ARID4B: variants seen among roughly 807,000 people sequenced by gnomAD.
ARID4B encodes AT-rich interaction domain 4B.
In ARID4B, 26 loss-of-function variants were observed where a neutral mutation model predicts 147.5. That is an observed-to-expected ratio of 0.18 (90% CI 0.13 to 0.24). The LOEUF is 0.24. ARID4B is among the 10% of genes least tolerant of loss of function. The pLI is 1.00. For missense variants in ARID4B, 1,179 were observed against 1,511.5 expected (o/e 0.78, Z 3.65); for synonymous variants, 512 against 507.9 (o/e 1.01, Z -0.11).
intron 7 of ARID4B, among the ~76,000 whole-genome samples, chr1:235,241,968 C>G (rs999082976): frequency 6.6e-6 from 1 of 151,956 alleles, no homozygotes; most frequent in African/African-American, 2.4e-5. Context: ...AATAGAAGTA[C>G]TGTACTTTGG....
chr1:235,252,820 G>T lies in ARID4B; in HGVS notation c.275-11C>A, dbSNP rs746962650. 4 of 1,594,308 alleles carry T rather than the reference G, an allele frequency of 2.5e-6. No individual in the cohort carries two copies. The highest frequency in any genetic ancestry group is 1.1e-5 in the South Asian group (1 of 87,998). On this transcript the variant is annotated splice_polypyrimidine_tract_variant and intron_variant, in intron 5 of 23. Coordinates refer to ENST00000264183, the MANE Select transcript of ARID4B (RefSeq NM_016374.6). ...CTCCGTCATCAAAAACTATGAGAGG[G>T]GGTAAAAATGGAAGCTACTGAAGGA... is the stretch of plus-strand genomic sequence containing the variant.
chr1:235,230,899 C>G (rs1039518634), intron 10 of ARID4B, among the ~76,000 whole-genome samples: 5 of 146,234 alleles, frequency 3.4e-5, no homozygotes, highest in African/African-American at 1.3e-4. Context: ...CCCTGGGCGA[C>G]AGAGCAAGAC....
At chr1:235,275,357 T>C (rs1224744665) in intron 2 of ARID4B, among the ~76,000 whole-genome samples, 1 of 152,218 alleles carries the variant, frequency 6.6e-6, no homozygotes, top group Non-Finnish European at 1.5e-5. Context: ...AGAGAAAGGA[T>C]GTGATGCAGC....
At position 235,194,006 on chromosome 1, in the gene ARID4B, T is replaced by G; in HGVS notation, c.2125+7A>C. The G allele has an allele frequency of 6.4e-7, 1 of 1,570,214 alleles. No homozygotes were observed. The highest frequency in any genetic ancestry group is 8.8e-7 in the Non-Finnish European group (1 of 1,142,388). ...TACTTGCACAACAGAACGATTGTTA[T>G]GTTTACCTTGAAGTCCATTAAGGAT... is the stretch of plus-strand genomic sequence containing the variant. On this transcript the variant is annotated splice_region_variant and intron_variant, in intron 19 of 23. Coordinates refer to ENST00000264183, the MANE Select transcript of ARID4B (RefSeq NM_016374.6).
chr1:235,186,664 A>C (rs1317763861), intron 19 of ARID4B, among the ~76,000 whole-genome samples: 2 of 151,704 alleles, frequency 1.3e-5, no homozygotes, highest in African/African-American at 4.8e-5. Context: ...CGGCCTCCCA[A>C]AGTGCTGGGA....
chr1:235,289,316 C>T (rs72758029), intron 2 of ARID4B, among the ~76,000 whole-genome samples: 19,996 of 152,068 alleles, frequency 0.13, 1,527 homozygotes, highest in African/African-American at 0.2. Context: ...ATACACAAAG[C>T]AAATATATCA....
At chr1:235,175,517 A>G in intron 21 of ARID4B, 118 bp from the exon 22 acceptor site, 3 of 773,298 alleles carry the variant, frequency 3.9e-6, no homozygotes, top group Non-Finnish European at 6.1e-6. Context: ...CAACCTGCCT[A>G]GAAACCTGGA....
At chr1:235,220,073 A>T in intron 15 of ARID4B, 105 bp from the exon 16 acceptor site, 1 of 843,052 alleles carries the variant, frequency 1.2e-6, no homozygotes, top group Non-Finnish European at 1.7e-6. Context: ...TCTAATATTA[A>T]AAGTTATAAA....
chr1:235,238,153 A>AAAAAAAAAAAG (rs61179792), intron 8 of ARID4B, among the ~76,000 whole-genome samples: 49 of 141,814 alleles, frequency 3.5e-4, no homozygotes, highest in African/African-American at 1.2e-3. Context: ...CAAAAAAAAA[A>AAAAAAAAAAAG]AAAAGAAAAG....
intron 2 of ARID4B, among the ~76,000 whole-genome samples, chr1:235,314,509 C>A (rs1194475117): frequency 6.6e-6 from 1 of 152,118 alleles, no homozygotes; most frequent in African/African-American, 2.4e-5. Context: ...ACTTTCCAAG[C>A]CATATGCTCT....
intron 6 of ARID4B, among the ~76,000 whole-genome samples, chr1:235,252,383 C>A (rs1669699628): frequency 6.6e-6 from 1 of 152,158 alleles, no homozygotes; most frequent in Non-Finnish European, 1.5e-5. Flanking sequence ...TGTATCTACA[C>A]ATCCTTTAAC....
At chr1:235,308,421 T>A (rs1673734723) in intron 2 of ARID4B, among the ~76,000 whole-genome samples, 1 of 151,644 alleles carries the variant, frequency 6.6e-6, no homozygotes, top group Non-Finnish European at 1.5e-5. Context: ...TTTTTCTAAT[T>A]TTTAAGAAAC....
At chr1:235,239,684 GA>G (rs1259409208) in intron 8 of ARID4B, among the ~76,000 whole-genome samples, 2 of 152,276 alleles carry the variant, frequency 1.3e-5, no homozygotes, top group East Asian at 3.9e-4. Context: ...GGACAATCAT[GA>G]GGATACTCCT....
chr1:235,248,597 A>C (rs1368534140), intron 6 of ARID4B, among the ~76,000 whole-genome samples: 1 of 152,208 alleles, frequency 6.6e-6, no homozygotes, highest in Non-Finnish European at 1.5e-5. Context: ...AGAGAGATTT[A>C]TATCACACAG....
At chr1:235,209,349 C>A (rs1666540656) in intron 17 of ARID4B, among the ~76,000 whole-genome samples, 1 of 151,934 alleles carries the variant, frequency 6.6e-6, no homozygotes, top group Non-Finnish European at 1.5e-5. Flanking sequence ...CATGTGCCTA[C>A]AATCCCAGCT....
intron 2 of ARID4B, among the ~76,000 whole-genome samples, chr1:235,285,495 G>A (rs965299505): frequency 6.6e-6 from 1 of 152,154 alleles, no homozygotes; most frequent in African/African-American, 2.4e-5. Context: ...TGAAAAATCT[G>A]CAACTAACAT....
intron 3 of ARID4B, among the ~76,000 whole-genome samples, chr1:235,257,998 T>C (rs147966761): frequency 4.9e-4 from 75 of 152,240 alleles, no homozygotes; most frequent in Admixed American, 1.7e-3. Context: ...ACAACAACCC[T>C]ATTAGGTAGG....
At chr1:235,208,471 A>G (rs1409316787) in intron 17 of ARID4B, among the ~76,000 whole-genome samples, 1 of 152,092 alleles carries the variant, frequency 6.6e-6, no homozygotes, top group Non-Finnish European at 1.5e-5. Flanking sequence ...CTAAAAGAGA[A>G]CACACTATAA....
At chr1:235,241,640 T>C (rs1396616401) in intron 7 of ARID4B, among the ~76,000 whole-genome samples, 5 of 152,114 alleles carry the variant, frequency 3.3e-5, no homozygotes, top group Non-Finnish European at 5.9e-5. Flanking sequence ...TGCCTCAGCC[T>C]CCTGAGTAGC....
Sources: gnomAD v4.1 joint callset for allele counts (sites outside exome capture counted in the v4.1 genomes callset) on GRCh38, gnomAD v4.1.1 for gene constraint, MANE v1.5 for transcripts, NCBI Gene and HGNC (gene_info 2026-07-23, HGNC 2026-07-21) for gene names.